The following PPM1E variants were observed in gnomAD, a reference collection of about 807,000 sequenced individuals.
PPM1E encodes the protein protein phosphatase, Mg2+/Mn2+ dependent 1E, also known as protein phosphatase 1E.
In PPM1E, 20 loss-of-function variants were observed where a neutral mutation model predicts 65.9. The ratio of observed to expected loss-of-function variants is 0.30; its 90% CI spans 0.21 to 0.44. PPM1E has a LOEUF of 0.44. PPM1E is among the 20% of genes least tolerant of loss of function. The pLI, the probability that PPM1E is intolerant of heterozygous loss-of-function variation, is 1.00. For synonymous variants in PPM1E, 352 were observed against 374.9 expected, an observed-to-expected ratio of 0.94 and a Z score of 0.70; for missense variants, 713 against 953.1, an observed-to-expected ratio of 0.75 and a Z score of 3.32.
intron 1 of PPM1E, among the ~76,000 whole-genome samples, chr17:58,945,332 G>T (rs923370421): frequency 3.9e-5 from 6 of 152,008 alleles, no homozygotes; most frequent in Non-Finnish European, 8.8e-5. Context: ...TAGTAGAGAC[G>T]GGGTTTCATC....
chr17:58,792,344 A>G (rs1460303909), intron 1 of PPM1E, among the ~76,000 whole-genome samples: 1 of 151,188 alleles, frequency 6.6e-6, no homozygotes, highest in African/African-American at 2.4e-5. Context: ...CACAATAATG[A>G]TTACTATTAT....
intron 1 of PPM1E, among the ~76,000 whole-genome samples, chr17:58,869,616 A>G (rs2051047342): frequency 6.6e-6 from 1 of 152,158 alleles, no homozygotes; most frequent in Admixed American, 6.5e-5. Context: ...TTCTTCTTGT[A>G]CAGTCTTCAG....
chr17:58,908,579 A>G (rs2051586547), intron 1 of PPM1E, among the ~76,000 whole-genome samples: 1 of 151,968 alleles, frequency 6.6e-6, no homozygotes, highest in East Asian at 1.9e-4. Context: ...AGCTGGGATT[A>G]TAGACGCCCA....
intron 1 of PPM1E, among the ~76,000 whole-genome samples, chr17:58,778,544 G>A (rs896062279): frequency 6.6e-6 from 1 of 151,322 alleles, no homozygotes; most frequent in Non-Finnish European, 1.5e-5. Context: ...CAAATAGCTG[G>A]GACTACAGGC....
In PPM1E at chr17:58,756,136, C is replaced by G; in HGVS notation, c.139C>G (p.Pro47Ala). The change falls in exon 1 of 7, where the codon CCC becomes GCC. Residue 47 changes from proline to alanine, a missense_variant. Coordinates refer to ENST00000308249, the MANE Select transcript of PPM1E (RefSeq NM_014906.5). ...PEPEPEPESE[P>A]EPEPELVEAE... ...ACCCGAACCCGAACCCGAGTCCGAG[C>G]CCGAGCCCGAACCTGAACTGGTAGA... 4 of 1,199,682 alleles carry G rather than the reference C, an allele frequency of 3.3e-6. No individual in the cohort carries two copies. In the South Asian group the frequency reaches 4.0e-5, roughly 12 times the overall value. The allele number at this position is 1,199,682 out of a possible 1,614,324, so 74.3% of individuals were successfully genotyped here.
chr17:58,974,245 C>A (rs2030854133), intron 6 of PPM1E, among the ~76,000 whole-genome samples: 1 of 152,114 alleles, frequency 6.6e-6, no homozygotes, highest in African/African-American at 2.4e-5. Context: ...TTTGTTTATG[C>A]CTCTAAATTA....
intron 1 of PPM1E, among the ~76,000 whole-genome samples, chr17:58,845,664 A>G (rs751934389): frequency 6.6e-6 from 1 of 152,054 alleles, no homozygotes; most frequent in Non-Finnish European, 1.5e-5. Flanking sequence ...ATTGCAGCAT[A>G]TATTAGAATT....
At chr17:58,793,454 C>A (rs1293310781) in intron 1 of PPM1E, among the ~76,000 whole-genome samples, 1 of 151,894 alleles carries the variant, frequency 6.6e-6, no homozygotes, top group Non-Finnish European at 1.5e-5. Flanking sequence ...CTCCCGAGTT[C>A]ATGCCATTTT....
At chr17:58,963,103 AG>A (rs1303923023) in intron 2 of PPM1E, among the ~76,000 whole-genome samples, 1 of 149,742 alleles carries the variant, frequency 6.7e-6, no homozygotes, top group Non-Finnish European at 1.5e-5. Context: ...AGAAAAAAAA[AG>A]CTGGGCATGG....
chr17:58,808,485 T>A (rs1475369683), intron 1 of PPM1E, among the ~76,000 whole-genome samples: 1 of 152,168 alleles, frequency 6.6e-6, no homozygotes, highest in Non-Finnish European at 1.5e-5. Context: ...TATAAACTTA[T>A]CATAGTCTTT....
intron 1 of PPM1E, among the ~76,000 whole-genome samples, chr17:58,789,740 TTA>T (rs3034940): frequency 0.97 from 140,973 of 145,808 alleles, 68,173 homozygotes; most frequent in Non-Finnish European, 0.99. Flanking sequence ...TGAGAGTCAT[TTA>T]TATATATATA....
intron 1 of PPM1E, among the ~76,000 whole-genome samples, chr17:58,948,402 C>A (rs966044296): frequency 1.3e-5 from 2 of 151,988 alleles, no homozygotes; most frequent in Non-Finnish European, 2.9e-5. Flanking sequence ...AGCTTGAGGT[C>A]CAAGATTTCA....
intron 1 of PPM1E, among the ~76,000 whole-genome samples, chr17:58,886,649 A>T (rs1170993115): frequency 6.6e-6 from 1 of 152,230 alleles, no homozygotes; most frequent in African/African-American, 2.4e-5. Context: ...TCTCTGACAT[A>T]CAAGAAAGAT....
intron 1 of PPM1E, among the ~76,000 whole-genome samples, chr17:58,796,392 CACTCAGTAGCTGCG>C (rs1292962825): frequency 5.9e-5 from 9 of 151,974 alleles, no homozygotes; most frequent in African/African-American, 1.4e-4. Context: ...GACAGGGGCT[CACTCAGTAGCTGCG>C]ACTACAGGCA....
chr17:58,883,344 A>G (rs891767072), intron 1 of PPM1E, among the ~76,000 whole-genome samples: 3 of 151,916 alleles, frequency 2.0e-5, no homozygotes, highest in Non-Finnish European at 4.4e-5. Flanking sequence ...ATCTCTTGGA[A>G]ATAATTTTTT....
At chr17:58,977,675 G>C (rs1321537165) in intron 6 of PPM1E, among the ~76,000 whole-genome samples, 1 of 152,194 alleles carries the variant, frequency 6.6e-6, no homozygotes, top group Non-Finnish European at 1.5e-5. Flanking sequence ...GGTTCTAGCA[G>C]AGTTATCCAT....
intron 2 of PPM1E, among the ~76,000 whole-genome samples, chr17:58,958,385 A>AT (rs2029918917): frequency 6.6e-6 from 1 of 151,412 alleles, no homozygotes; most frequent in Non-Finnish European, 1.5e-5. Flanking sequence ...TAATGTTTGT[A>AT]TTTTTTGTAG....
chr17:58,829,586 A>G (rs2050577981), intron 1 of PPM1E, among the ~76,000 whole-genome samples: 1 of 152,088 alleles, frequency 6.6e-6, no homozygotes, highest in Admixed American at 6.6e-5. Context: ...TACCTTCTGT[A>G]CAGCTGACAT....
intron 1 of PPM1E, among the ~76,000 whole-genome samples, chr17:58,930,790 G>A (rs1301656783): frequency 1.3e-5 from 2 of 152,148 alleles, no homozygotes; most frequent in African/African-American, 4.8e-5. Context: ...AATTAACCAA[G>A]TGTTTAAAAG....
Sources: allele counts gnomAD v4.1 joint callset (sites outside exome capture counted in the v4.1 genomes callset), GRCh38; gene constraint gnomAD v4.1.1; transcripts MANE v1.5; gene names NCBI Gene and HGNC (gene_info 2026-07-23, HGNC 2026-07-21).